NRG1: variants seen among roughly 807,000 people sequenced by gnomAD.
NRG1 encodes neuregulin 1.
In NRG1, 18 loss-of-function variants were observed where a neutral mutation model predicts 63.8. That is an observed-to-expected ratio of 0.28 (90% CI 0.19 to 0.42). The LOEUF (loss-of-function observed/expected upper bound fraction) is 0.42. Ranked by LOEUF, NRG1 falls within the 10% of genes least tolerant of loss-of-function variation. The pLI is 1.00. For missense variants in NRG1, 762 were observed against 814.7 expected (o/e 0.94, Z 0.79); for synonymous variants, 302 against 301.3 (o/e 1.00, Z -0.02).
intron 6 of NRG1, among the ~76,000 whole-genome samples, chr8:32,736,548 T>C (rs1485458155): frequency 6.6e-6 from 1 of 152,228 alleles, no homozygotes; most frequent in African/African-American, 2.4e-5. Flanking sequence ...TCATTTAATA[T>C]TTGTAAACAT....
intron 1 of NRG1, among the ~76,000 whole-genome samples, chr8:32,293,100 T>C (rs1854398408): frequency 7.0e-6 from 1 of 143,610 alleles, no homozygotes; most frequent in African/African-American, 2.5e-5. Flanking sequence ...TGAGACTACG[T>C]CTAAAATATA....
At chr8:31,774,125 C>T (rs1030630912) in intron 1 of NRG1, among the ~76,000 whole-genome samples, 35 of 152,228 alleles carry the variant, frequency 2.3e-4, no homozygotes, top group Admixed American at 2.2e-3. Flanking sequence ...TCCTGCCACT[C>T]TCCCCTTTGC....
At chr8:32,188,549 A>G (rs150433813) in intron 1 of NRG1, among the ~76,000 whole-genome samples, 1 of 152,332 alleles carries the variant, frequency 6.6e-6, no homozygotes, top group African/African-American at 2.4e-5. Flanking sequence ...GCAGATAGGA[A>G]GATCATCCTG....
intron 1 of NRG1, among the ~76,000 whole-genome samples, chr8:32,510,167 GAGAC>G (rs1260679736): frequency 2.0e-5 from 3 of 150,668 alleles, no homozygotes; most frequent in Non-Finnish European, 4.4e-5. Flanking sequence ...GAAAGAAAGA[GAGAC>G]AGAAAGAAAA....
At chr8:32,553,249 G>C (rs545100891) in intron 1 of NRG1, among the ~76,000 whole-genome samples, 19 of 152,186 alleles carry the variant, frequency 1.2e-4, no homozygotes. Context: ...TCCATGAAAA[G>C]CACTCTGAAC....
chr8:32,379,215 A>G (rs1424716351), intron 1 of NRG1, among the ~76,000 whole-genome samples: 2 of 152,118 alleles, frequency 1.3e-5, no homozygotes, highest in East Asian at 1.9e-4. Flanking sequence ...AGAGACTATA[A>G]AAAAACACTT....
At chr8:32,117,238 A>T (rs1832855302) in intron 1 of NRG1, among the ~76,000 whole-genome samples, 1 of 152,092 alleles carries the variant, frequency 6.6e-6, no homozygotes, top group Non-Finnish European at 1.5e-5. Context: ...TATCTATGAG[A>T]ATGTTTCAAA....
rs10689849 is a variant in NRG1 at position 32,482,398 on chromosome 8, T to TTG, written c.38-113404_38-113403dup. Among the ~76,000 whole-genome samples, 360 of 148,320 alleles carry TTG rather than the reference T, an allele frequency of 2.4e-3. 2 individuals carry two copies. Among genetic ancestry groups the TTG allele is most frequent in the Middle Eastern group, 6.8e-3 (2 of 292 alleles). On this transcript the variant is annotated intron_variant, in intron 1 of 10. Transcript: ENST00000519301. The stretch of plus-strand genomic sequence containing the variant: ...GGGGTTGTTTTCTTTCTTTCTACTT[T>TTG]TGTGTGTGTGTGTGTGTGTGTGTGT...
Position 32,548,548 on chromosome 8 carries a change from G to T in NRG1, c.-179G>T. On this transcript the variant is annotated 5_prime_UTR_variant, in exon 1 of 12. Coordinates refer to ENST00000356819, the Ensembl canonical transcript of NRG1. ...GTTCCAGGTGGCCGGACCGCCCGCC[G>T]CGTCCGCGCCGCGCTCCCTGCAGGC... The T allele has an allele frequency of 4.8e-6, 6 of 1,251,816 alleles. No individual in the cohort carries two copies. The South Asian group carries it at 1.6e-4, about 33-fold the overall frequency. The allele number at this position is 1,251,816 out of a possible 1,614,324, so 77.5% of individuals were successfully genotyped here.
chr8:32,041,466 A>T (rs917367991), intron 1 of NRG1, among the ~76,000 whole-genome samples: 1 of 152,192 alleles, frequency 6.6e-6, no homozygotes, highest in Non-Finnish European at 1.5e-5. Flanking sequence ...GAAAGACCAG[A>T]CCTGAAAATA....
chr8:32,232,001 T>C (rs1847009354), intron 1 of NRG1, among the ~76,000 whole-genome samples: 1 of 151,998 alleles, frequency 6.6e-6, no homozygotes, highest in Non-Finnish European at 1.5e-5. Flanking sequence ...CCTCCCAGGC[T>C]CAAGTAATCC....
chr8:31,937,868 G>A (rs1015252247), intron 1 of NRG1, among the ~76,000 whole-genome samples: 4 of 152,136 alleles, frequency 2.6e-5, no homozygotes, highest in African/African-American at 9.7e-5. Context: ...AGCAAGCCCT[G>A]CCAAAAGAGA....
chr8:32,057,448 T>A (rs986339747), intron 1 of NRG1, among the ~76,000 whole-genome samples: 5 of 152,152 alleles, frequency 3.3e-5, no homozygotes, highest in African/African-American at 1.2e-4. Flanking sequence ...TGTCCTAAAG[T>A]CATTCTTCAG....
At chr8:32,195,291 T>G (rs1842852170) in intron 1 of NRG1, among the ~76,000 whole-genome samples, 1 of 151,926 alleles carries the variant, frequency 6.6e-6, no homozygotes, top group East Asian at 1.9e-4. Flanking sequence ...TTAAAAAAAT[T>G]TAGCTTGTTG....
chr8:31,804,635 GC>G (rs1458693009), intron 1 of NRG1, among the ~76,000 whole-genome samples: 12 of 152,308 alleles, frequency 7.9e-5, no homozygotes, highest in African/African-American at 2.9e-4. Context: ...GGGGAGGCCT[GC>G]AGGCTGGAAA....
chr8:31,911,055 G>A (rs2129617424), intron 1 of NRG1, among the ~76,000 whole-genome samples: 1 of 152,232 alleles, frequency 6.6e-6, no homozygotes, highest in Non-Finnish European at 1.5e-5. Context: ...ATCCATCCAA[G>A]TTGTCAGCCA....
At chr8:32,054,880 T>TGAGA in intron 1 of NRG1, among the ~76,000 whole-genome samples, 1 of 28,172 alleles carries the variant, frequency 3.5e-5, no homozygotes, top group Non-Finnish European at 8.7e-5. Context: ...TTTTTTTTTT[T>TGAGA]TTTTTTTTTT....
At chr8:32,462,677 C>T (rs571112021) in intron 1 of NRG1, among the ~76,000 whole-genome samples, 60 of 140,694 alleles carry the variant, frequency 4.3e-4, no homozygotes, top group Non-Finnish European at 7.6e-4. Context: ...AATCTCGGCT[C>T]ACTGCAACTT....
rs1038808745 is a variant in NRG1 at position 32,732,840 on chromosome 8, T to G, written c.632+4762T>G. Among the ~76,000 whole-genome samples the G allele has an allele frequency of 3.6e-5, 5 of 137,614 alleles. No homozygotes were observed. The Admixed American group carries it at 4.2e-4, about 12-fold the overall frequency. 90.3% of individuals were successfully genotyped at this position (137,614 alleles called of 152,430 possible). On this transcript the variant is annotated intron_variant, in intron 6 of 11. Transcript: ENST00000356819. ...TTTTTTTTGAGATGGAGTTTCATGC[T>G]CTTGTTGCCCAGGCTGGAGTGCAAT...
Sources: gnomAD v4.1 joint callset for allele counts (sites outside exome capture counted in the v4.1 genomes callset) on GRCh38, gnomAD v4.1.1 for gene constraint, MANE v1.5 for transcripts, NCBI Gene and HGNC (gene_info 2026-07-23, HGNC 2026-07-21) for gene names.